Variants in SUPT20HL2 observed in about 807,000 individuals in gnomAD.
SUPT20HL2 encodes the protein SUPT20H like 2, also known as transcription factor SPT20 homolog-like 2.
For missense variants in SUPT20HL2, 288 were observed against 127.4 expected, an observed-to-expected ratio of 2.26 and a Z score of -6.07; for synonymous variants, 125 against 51.6, an observed-to-expected ratio of 2.42 and a Z score of -6.10.
chrX:24,311,376 C>T lies in SUPT20HL2; in HGVS notation c.1940G>A (p.Arg647Lys), dbSNP rs766737894. Reference protein sequence around the residue: ...QFFLNTPEGLRPLTLQVPQGW... With the variant: ...QFFLNTPEGLKPLTLQVPQGW... ...CTGCGGAACCTGGAGTGTCAGAGGC[C>T]TGAGACCTTCCGGAGTATTTAGGAA... is the stretch of plus-strand genomic sequence containing the variant. The change falls in exon 1 of 1, where the codon AGG becomes AAG. Residue 647 changes from arginine (R) to lysine (K), a missense_variant. Coordinates refer to ENST00000486479, the MANE Select transcript of SUPT20HL2 (RefSeq NM_001136233.3). 2.1e-5 allele frequency: 8 copies of T among 387,457 alleles called. No individual in the cohort carries two copies. Among genetic ancestry groups the T allele is most frequent in the South Asian group, 1.9e-4 (8 of 42,828 alleles). The allele number at this position is 387,457 out of a possible 1,213,427, so 31.9% of individuals were successfully genotyped here. A position where few individuals can be genotyped will look rare whatever the true frequency, so the allele number is the denominator to read the frequency against.
In SUPT20HL2 at chrX:24,312,422, A is replaced by G. The variant is rs748574368; in HGVS notation, c.894T>C (p.Cys298=). ...SCVDTWKGRP[C]DLAVPSEVDV... ...CCACTTCTGAAGGCACGGCCAAATC[A>G]CAGGGTCTGCCTTTCCACGTGTCTA... Residue 298 remains cysteine (C), a synonymous_variant, in exon 1 of 1, where the codon TGT becomes TGC. Coordinates refer to ENST00000486479, the MANE Select transcript of SUPT20HL2 (RefSeq NM_001136233.3). The G allele has an allele frequency of 6.5e-5, 25 of 384,908 alleles. No homozygotes were observed. The highest frequency in any genetic ancestry group is 1.2e-4 in the Non-Finnish European group (24 of 192,311). The allele number at this position is 384,908 out of a possible 1,213,427, so 31.7% of individuals were successfully genotyped here. A position where few individuals can be genotyped will look rare whatever the true frequency, so the allele number is the denominator to read the frequency against.
rs765088461 is a variant in SUPT20HL2, at chrX:24,313,809, G to A, written c.-494C>T. ...CCCAGAAACCTGCCCCCAGGGAAGC[G>A]CTACCCAATCTGTTTGAGGGTTTCT... On this transcript the variant is annotated 5_prime_UTR_variant, in exon 1 of 1. Transcript: ENST00000486479. 2.0e-5 allele frequency: 7 copies of A among 349,821 alleles called. No individual in the cohort carries two copies. The highest frequency in any genetic ancestry group is 1.4e-4 in the African/African-American group (5 of 35,363). 28.8% of individuals were successfully genotyped at this position (349,821 alleles called of 1,213,427 possible).
At position 24,310,469 on chromosome X, in the gene SUPT20HL2, CTCT is replaced by C. The variant is rs764829005; in HGVS notation, c.*390_*392del. ...TCACCATTAAAAATTTTAAATTGCG[CTCT>C]TCTTGTTAAAATATTAACTTAAAAT... On this transcript the variant is annotated 3_prime_UTR_variant, in exon 1 of 1. Coordinates refer to ENST00000486479, the MANE Select transcript of SUPT20HL2 (RefSeq NM_001136233.3). Among the ~76,000 whole-genome samples, 4 of 112,309 alleles carry C rather than the reference CTCT, an allele frequency of 3.6e-5. No individual in the cohort carries two copies. The highest frequency in any genetic ancestry group is 7.4e-4 in the South Asian group (2 of 2,705).
chrX:24,313,870 C>A lies in SUPT20HL2; in HGVS notation c.-555G>T. ...GTACCTGAGGGGTCGTCGTCGTGGT[C>A]GGACTTCGCGTCTCTGCGGCCTGGA... On this transcript the variant is annotated 5_prime_UTR_variant, in exon 1 of 1. Coordinates refer to ENST00000486479, the MANE Select transcript of SUPT20HL2 (RefSeq NM_001136233.3). 1 of 369,546 alleles carries A rather than the reference C, an allele frequency of 2.7e-6. No homozygotes were observed. The highest frequency in any genetic ancestry group is 5.2e-6 in the Non-Finnish European group (1 of 190,864). 30.5% of individuals were successfully genotyped at this position (369,546 alleles called of 1,213,427 possible).
At position 24,309,671 on chromosome X, in the gene SUPT20HL2, G is replaced by T. The variant is rs2148135950; in HGVS notation, c.*1191C>A. On this transcript the variant is annotated 3_prime_UTR_variant, in exon 1 of 1. Coordinates refer to ENST00000486479, the MANE Select transcript of SUPT20HL2 (RefSeq NM_001136233.3). ...GTGCACATGTACCCTAAAACTTAGAGTATAATAAAAAAAAAAAAATTAAAA... is the reference window on the plus strand; with the variant it reads ...GTGCACATGTACCCTAAAACTTAGATTATAATAAAAAAAAAAAAATTAAAA... Among the ~76,000 whole-genome samples, 1 of 51,494 alleles carries T rather than the reference G, an allele frequency of 1.9e-5. No individual in the cohort carries two copies. The allele number at this position is 51,494 out of a possible 115,157, so 44.7% of individuals were successfully genotyped here.
chrX:24,310,241 G>A lies in SUPT20HL2; in HGVS notation c.*621C>T, dbSNP rs1195209463. On this transcript the variant is annotated 3_prime_UTR_variant, in exon 1 of 1. Transcript: ENST00000486479. Reference sequence around the variant, plus strand: ...CCACTTCCATGAAATGGCCAGGGTAGTCAACTCATAGAGAAAGAAAGTAGA... The same window carrying A: ...CCACTTCCATGAAATGGCCAGGGTAATCAACTCATAGAGAAAGAAAGTAGA... 9.0e-6 allele frequency among the ~76,000 whole-genome samples: 1 copy of A among 111,544 alleles called. No individual in the cohort carries two copies. The highest frequency in any genetic ancestry group is 3.3e-5 in the African/African-American group (1 of 30,637).
In SUPT20HL2 at chrX:24,308,396, A is replaced by T. The variant is rs1489478416; in HGVS notation, c.*2466T>A. ...GCTTAGCTCCGAAGGCCATGCATAAACTCTTCTCTACAACTGGTCATTGCA... is the reference window on the plus strand; with the variant it reads ...GCTTAGCTCCGAAGGCCATGCATAATCTCTTCTCTACAACTGGTCATTGCA... On this transcript the variant is annotated 3_prime_UTR_variant, in exon 1 of 1. Transcript: ENST00000486479. 1 of 344,141 alleles carries T rather than the reference A, an allele frequency of 2.9e-6. No homozygotes were observed. Among genetic ancestry groups the T allele is most frequent in the Non-Finnish European group, 5.7e-6 (1 of 176,959 alleles). The allele number at this position is 344,141 out of a possible 1,213,427, so 28.4% of individuals were successfully genotyped here.
In SUPT20HL2 at chrX:24,313,733, A is replaced by G. The variant is rs753368559; in HGVS notation, c.-418T>C. On this transcript the variant is annotated 5_prime_UTR_variant, in exon 1 of 1. Transcript: ENST00000486479. ...GCTTCACGTCTCTGCGGCCTGGAAC[A>G]GAAGTGAGCGGGAGGGCCGTGGTCA... 3.7e-3 allele frequency: 1,294 copies of G among 349,053 alleles called. 9 individuals carry two copies. The highest frequency in any genetic ancestry group is 0.011 in the South Asian group (448 of 40,455). 28.8% of individuals were successfully genotyped at this position (349,053 alleles called of 1,213,427 possible). A position where few individuals can be genotyped will look rare whatever the true frequency, so the allele number is the denominator to read the frequency against.
In SUPT20HL2 at chrX:24,308,275, A is replaced by G. The variant is rs1412098040; in HGVS notation, c.*2587T>C. 2.7e-6 allele frequency: 1 copy of G among 375,470 alleles called. No individual in the cohort carries two copies. The highest frequency in any genetic ancestry group is 2.3e-5 in the South Asian group (1 of 42,805). 30.9% of individuals were successfully genotyped at this position (375,470 alleles called of 1,213,427 possible). ...GAAGGGAAGGTCACATCACTGAAGCACAAATTTGGCTGTTGTCTCCATGTC... is the reference window on the plus strand; with the variant it reads ...GAAGGGAAGGTCACATCACTGAAGCGCAAATTTGGCTGTTGTCTCCATGTC... On this transcript the variant is annotated 3_prime_UTR_variant, in exon 1 of 1. Transcript: ENST00000486479.
rs763245510 is a variant in SUPT20HL2, at chrX:24,312,653, G to A, written c.663C>T (p.Asn221=). 7.8e-6 allele frequency: 3 copies of A among 384,973 alleles called. No individual in the cohort carries two copies. The highest frequency in any genetic ancestry group is 1.6e-5 in the Non-Finnish European group (3 of 192,341). 31.7% of individuals were successfully genotyped at this position (384,973 alleles called of 1,213,427 possible). The part of the protein sequence containing the change: ...DPSVAVACTA[N]RLLYNKQKMN... ...TCTTTTGCTTGTTGTACAGCAGCCT[G>A]TTTGCAGTGCAGGCAACTGCTACAG... is the stretch of plus-strand genomic sequence containing the variant. The change falls in exon 1 of 1, where the codon AAC becomes AAT. Residue 221 remains asparagine, a synonymous_variant. Coordinates refer to ENST00000486479, the MANE Select transcript of SUPT20HL2 (RefSeq NM_001136233.3).
In SUPT20HL2 at chrX:24,313,099, A is replaced by T. The variant is rs1939150361; in HGVS notation, c.217T>A (p.Ser73Thr). The T allele has an allele frequency of 5.4e-6, 2 of 367,772 alleles. No individual in the cohort carries two copies. Among genetic ancestry groups the T allele is most frequent in the Non-Finnish European group, 1.1e-5 (2 of 185,315 alleles). 30.3% of individuals were successfully genotyped at this position (367,772 alleles called of 1,213,427 possible). A position where few individuals can be genotyped will look rare whatever the true frequency, so the allele number is the denominator to read the frequency against. Residue 73 changes from serine (S) to threonine (T), a missense_variant, in exon 1 of 1, where the codon TCC becomes ACC. Ser to Thr is a moderately conservative substitution (Grantham distance 58). Coordinates refer to ENST00000486479, the MANE Select transcript of SUPT20HL2 (RefSeq NM_001136233.3). Reference protein sequence around the residue: ...NLLEKLVRRESLPCLLVNLYP... With the variant: ...NLLEKLVRRETLPCLLVNLYP... ...AGATTGACCAGTAAACATGGCAAGG[A>T]CTCTCTCCTAACAAGCTTTTCTAAC...
Position 24,308,529 on chromosome X carries a change from A to T in SUPT20HL2, c.*2333T>A, listed in dbSNP as rs1218013818. ...CGACGTGTTTGCTTGAAGTTGGTCA[A>T]ATCTTTAACAGCATCGGTAGCACAT... On this transcript the variant is annotated 3_prime_UTR_variant, in exon 1 of 1. Transcript: ENST00000486479. Among the ~76,000 whole-genome samples, 1 of 112,397 alleles carries T rather than the reference A, an allele frequency of 8.9e-6. No homozygotes were observed. Among genetic ancestry groups the T allele is most frequent in the African/African-American group, 3.2e-5 (1 of 30,937 alleles).
chrX:24,311,826 G>A lies in SUPT20HL2; in HGVS notation c.1490C>T (p.Ala497Val), dbSNP rs759195905. 1.6e-4 allele frequency: 57 copies of A among 346,625 alleles called. No homozygotes were observed. Among genetic ancestry groups the A allele is most frequent in the African/African-American group, 1.3e-3 (49 of 38,162 alleles). 28.6% of individuals were successfully genotyped at this position (346,625 alleles called of 1,213,427 possible). ...AGGAGCAGCAGCAGCTACAGCAGGA[G>A]CAGCAGCAGGAAATGGACGCTTAAG... ...SPLKRPFPAA[A>V]PAVAAAAPAP... is the part of the protein sequence containing the mutation. Residue 497 changes from alanine (A) to valine (V), a missense_variant, in exon 1 of 1, where the codon GCT (alanine) becomes GTT (valine). Ala to Val is a moderately conservative substitution (Grantham distance 64). Coordinates refer to ENST00000486479, the MANE Select transcript of SUPT20HL2 (RefSeq NM_001136233.3).
rs866673707 is a variant in SUPT20HL2, at chrX:24,309,647, T to C, written c.*1215A>G. Among the ~76,000 whole-genome samples the C allele has an allele frequency of 3.7e-5, 3 of 81,604 alleles. No homozygotes were observed. Among genetic ancestry groups the C allele is most frequent in the Non-Finnish European group, 6.9e-5 (3 of 43,514 alleles). 70.9% of individuals were successfully genotyped at this position (81,604 alleles called of 115,157 possible). ...ACATATGTAACTAACCTGCACAATG[T>C]GCACATGTACCCTAAAACTTAGAGT... is the stretch of plus-strand genomic sequence containing the variant. On this transcript the variant is annotated 3_prime_UTR_variant, in exon 1 of 1. Transcript: ENST00000486479.
Position 24,313,844 on chromosome X carries a change from G to C in SUPT20HL2, c.-529C>G, listed in dbSNP as rs1325326175. On this transcript the variant is annotated 5_prime_UTR_variant, in exon 1 of 1. Transcript: ENST00000486479. ...CTGTTTGAGGGTTTCTGAAAACATC[G>C]GTACCTGAGGGGTCGTCGTCGTGGT... 2.7e-6 allele frequency: 1 copy of C among 368,241 alleles called. No homozygotes were observed. The highest frequency in any genetic ancestry group is 2.6e-5 in the Admixed American group (1 of 38,988). 30.3% of individuals were successfully genotyped at this position (368,241 alleles called of 1,213,427 possible). A position where few individuals can be genotyped will look rare whatever the true frequency, so the allele number is the denominator to read the frequency against.
At position 24,314,031 on chromosome X, in the gene SUPT20HL2, T is replaced by C; in HGVS notation, c.-716A>G. 1 of 365,729 alleles carries C rather than the reference T, an allele frequency of 2.7e-6. No individual in the cohort carries two copies. The highest frequency in any genetic ancestry group is 5.3e-6 in the Non-Finnish European group (1 of 187,214). 30.1% of individuals were successfully genotyped at this position (365,729 alleles called of 1,213,427 possible). ...ATCGGTACCTGAGGGGTGATTGTCG[T>C]GGCCTGGGCTTCGCGTCTCTGAGTG... On this transcript the variant is annotated 5_prime_UTR_variant, in exon 1 of 1. Transcript: ENST00000486479.
rs201007871 is a variant in SUPT20HL2, at chrX:24,312,682, G to A, written c.634C>T (p.Pro212Ser). ...LATAEPLCLD[P>S]SVAVACTANR... is the part of the protein sequence containing the mutation. ...GCAGTGCAGGCAACTGCTACAGAAG[G>A]ATCAAGACACAGTGGTTCAGCTGTC... Residue 212 changes from proline to serine, a missense_variant, in exon 1 of 1, where the codon CCT becomes TCT. Coordinates refer to ENST00000486479, the MANE Select transcript of SUPT20HL2 (RefSeq NM_001136233.3). 398 of 384,997 alleles carry A rather than the reference G, an allele frequency of 1.0e-3. 1 individual carries two copies. The highest frequency in any genetic ancestry group is 1.5e-3 in the Non-Finnish European group (289 of 192,295). The allele number at this position is 384,997 out of a possible 1,213,427, so 31.7% of individuals were successfully genotyped here.
rs190214531 is a variant in SUPT20HL2, at chrX:24,311,440, C to T, written c.1876G>A (p.Gly626Ser). 3.1e-3 allele frequency: 1,200 copies of T among 386,276 alleles called. 3 individuals carry two copies. The highest frequency in any genetic ancestry group is 4.7e-3 in the Non-Finnish European group (895 of 192,449). The allele number at this position is 386,276 out of a possible 1,213,427, so 31.8% of individuals were successfully genotyped here. ...SGGPLPDARP[G>S]AVQASSPAPL... ...GCTGGAGAAGATGCCTGCACTGCAC[C>T]GGGCCTTGCATCTGGTAGTGGACCT... is the stretch of plus-strand genomic sequence containing the variant. Residue 626 changes from glycine (G) to serine (S), a missense_variant, in exon 1 of 1, where the codon GGT (glycine) becomes AGT (serine). By Grantham distance (56) the Gly-to-Ser change is moderately conservative. Transcript: ENST00000486479.
Position 24,309,746 on chromosome X carries a change from G to GAAAAAAAAAAAAAAAAAAAA in SUPT20HL2, c.*1096_*1115dup. On this transcript the variant is annotated 3_prime_UTR_variant, in exon 1 of 1. Coordinates refer to ENST00000486479, the MANE Select transcript of SUPT20HL2 (RefSeq NM_001136233.3). ...AAAATAATAAAAATAAAAAAAAAAA[G>GAAAAAAAAAAAAAAAAAAAA]AAAAAAAAAAAAAAAAAAAAAAACA... 1.3e-3 allele frequency among the ~76,000 whole-genome samples: 29 copies of GAAAAAAAAAAAAAAAAAAAA among 21,792 alleles called. 2 individuals are homozygous for GAAAAAAAAAAAAAAAAAAAA. The highest frequency in any genetic ancestry group is 1.5e-3 in the Non-Finnish European group (22 of 14,579). 18.9% of individuals were successfully genotyped at this position (21,792 alleles called of 115,157 possible).
Sources: gnomAD v4.1 joint callset for allele counts (sites outside exome capture counted in the v4.1 genomes callset) on GRCh38, gnomAD v4.1.1 for gene constraint, MANE v1.5 for transcripts, NCBI Gene and HGNC (gene_info 2026-07-23, HGNC 2026-07-21) for gene names.